SLC10A1: variants seen among roughly 807,000 people sequenced by gnomAD.
The protein encoded by SLC10A1 is hepatic sodium/bile acid cotransporter.
Under a neutral mutation model 20.5 loss-of-function variants are expected in SLC10A1, and 36 were observed. The ratio of observed to expected loss-of-function variants is 1.75; its 90% CI spans 1.34 to 2.32. The LOEUF is 2.32. Among genes scored for constraint, SLC10A1 ranks in the 30% most tolerant of loss-of-function variants. The pLI is 0.00. For missense variants in SLC10A1, 545 were observed against 439.1 expected (o/e 1.24, Z -2.16); for synonymous variants, 188 against 163.6 (o/e 1.15, Z -1.14).
At chr14:69,781,883 C>T (rs998777253) in intron 2 of SLC10A1, among the ~76,000 whole-genome samples, 5 of 152,170 alleles carry the variant, frequency 3.3e-5, no homozygotes, top group African/African-American at 4.8e-5. Context: ...TGGTTGAACC[C>T]GGTGTGAGCA....
chr14:69,794,197 A>G (rs934110210), intron 1 of SLC10A1, among the ~76,000 whole-genome samples: 5 of 152,168 alleles, frequency 3.3e-5, no homozygotes, highest in Non-Finnish European at 7.3e-5. Flanking sequence ...GCCCTTTGAC[A>G]TGTATTGTTT....
chr14:69,784,633 C>A (rs909394938), intron 2 of SLC10A1, among the ~76,000 whole-genome samples: 2 of 152,220 alleles, frequency 1.3e-5, no homozygotes, highest in Middle Eastern at 3.4e-3. Flanking sequence ...CAGTGAGAGA[C>A]ACTTTTTGTT....
intron 2 of SLC10A1, among the ~76,000 whole-genome samples, chr14:69,780,490 T>A (rs1389115815): frequency 6.7e-6 from 1 of 148,544 alleles, no homozygotes; most frequent in Non-Finnish European, 1.5e-5. Context: ...AGTAACATTT[T>A]AAAAAAGTAA....
At chr14:69,790,509 T>A (rs1037860207) in intron 1 of SLC10A1, among the ~76,000 whole-genome samples, 5 of 151,832 alleles carry the variant, frequency 3.3e-5, no homozygotes, top group African/African-American at 1.2e-4. Flanking sequence ...TAACATTAGA[T>A]AATCTATTAA....
intron 2 of SLC10A1, among the ~76,000 whole-genome samples, chr14:69,781,706 C>G (rs75335471): frequency 1.3e-5 from 2 of 152,190 alleles, no homozygotes; most frequent in African/African-American, 4.8e-5. Context: ...GTGAAAGTGG[C>G]TCCTGGACCA....
intron 1 of SLC10A1, among the ~76,000 whole-genome samples, chr14:69,795,690 G>A (rs116451846): frequency 0.014 from 2,089 of 152,142 alleles, 54 homozygotes; most frequent in African/African-American, 0.048. Context: ...TGGGATTATA[G>A]GTGTGAGCCA....
In SLC10A1 at chr14:69,786,199, G is replaced by A; in HGVS notation, c.465C>T (p.Pro155=). ...IYDGDLKDKV[P]YKGIVISLVL... is the part of the protein sequence containing the mutation. ...CCAGTGATATCACGATGCCTTTATA[G>A]GGCACCTTGTCCTTCAGGTCCCCAT... Residue 155 remains proline, a synonymous_variant, in exon 2 of 5, where the codon CCC becomes CCT. Coordinates refer to ENST00000216540, the MANE Select transcript of SLC10A1 (RefSeq NM_003049.4). 1.2e-6 allele frequency: 2 copies of A among 1,613,946 alleles called. No individual in the cohort carries two copies. The highest frequency in any genetic ancestry group is 1.7e-6 in the Non-Finnish European group (2 of 1,179,918).
chr14:69,782,086 C>A (rs1292757723), intron 2 of SLC10A1, among the ~76,000 whole-genome samples: 2 of 152,196 alleles, frequency 1.3e-5, no homozygotes, highest in African/African-American at 4.8e-5. Context: ...GCAAGGAAAC[C>A]TTAGCTTTTG....
At chr14:69,778,034 A>C (rs2139709492) in intron 4 of SLC10A1, among the ~76,000 whole-genome samples, 1 of 152,264 alleles carries the variant, frequency 6.6e-6, no homozygotes, top group South Asian at 2.1e-4. Context: ...TGTCCAAGGC[A>C]GTTTTGTCCT....
At chr14:69,787,904 A>G (rs759327494) in intron 1 of SLC10A1, among the ~76,000 whole-genome samples, 4 of 152,034 alleles carry the variant, frequency 2.6e-5, no homozygotes, top group Non-Finnish European at 4.4e-5. Flanking sequence ...AAAACCACAC[A>G]CAAAAATTAG....
rs746595833 is a variant in SLC10A1, at chr14:69,779,177, C to T, written c.746+5G>A. 4 of 1,565,062 alleles carry T rather than the reference C, an allele frequency of 2.6e-6. No homozygotes were observed. The South Asian group carries it at 3.6e-5, about 14-fold the overall frequency. ...CCCTTTCTTAAAAAAAAAAAAAATA[C>T]CTACCGTCCATTGAGGCAGAAGAGA... On this transcript the variant is annotated splice_donor_5th_base_variant and intron_variant, in intron 3 of 4. Coordinates refer to ENST00000216540, the MANE Select transcript of SLC10A1 (RefSeq NM_003049.4).
At position 69,776,347 on chromosome 14, in the gene SLC10A1, T is replaced by G; in HGVS notation, c.985A>C (p.Thr329Pro). ...MIYTAATTEE[T>P]IPGALGNGTY... The stretch of plus-strand genomic sequence containing the variant: ...CCATTTCCCAGAGCTCCTGGAATTG[T>G]TTCTTCAGTTGTGGCAGCTGTGTAG... The change falls in exon 5 of 5, where the codon ACA becomes CCA. Residue 329 changes from threonine (T) to proline (P), a missense_variant. Transcript: ENST00000216540. 1 of 1,613,990 alleles carries G rather than the reference T, an allele frequency of 6.2e-7. No homozygotes were observed. Among genetic ancestry groups the G allele is most frequent in the Non-Finnish European group, 8.5e-7 (1 of 1,180,004 alleles).
intron 1 of SLC10A1, among the ~76,000 whole-genome samples, chr14:69,787,473 C>T (rs1490929283): frequency 6.6e-6 from 1 of 150,842 alleles, no homozygotes; most frequent in Non-Finnish European, 1.5e-5. Context: ...TCAGTGTGTC[C>T]CTCCTCCTCC....
At position 69,786,154 on chromosome 14, in the gene SLC10A1, G is replaced by A; in HGVS notation, c.510C>T (p.Cys170=). 1 of 1,614,118 alleles carries A rather than the reference G, an allele frequency of 6.2e-7. No homozygotes were observed. Among genetic ancestry groups the A allele is most frequent in the Admixed American group, 1.7e-5 (1 of 60,018 alleles). The part of the protein sequence containing the change: ...VISLVLVLIP[C]TIGIVLKSKR... ...TGGATTTGAGGACGATCCCTATGGT[G>A]CAAGGAATGAGAACCAGGACCAGTG... The change falls in exon 2 of 5, where the codon TGC becomes TGT. Residue 170 remains cysteine, a synonymous_variant. Coordinates refer to ENST00000216540, the MANE Select transcript of SLC10A1 (RefSeq NM_003049.4).
Position 69,776,098 on chromosome 14 carries a change from G to A in SLC10A1, c.*184C>T. ...AGTAGCAAATTCTAAGTTGGGGATAGGTGAGGCTTCTTGGGTAGACACCCT... is the reference window on the plus strand; with the variant it reads ...AGTAGCAAATTCTAAGTTGGGGATAAGTGAGGCTTCTTGGGTAGACACCCT... On this transcript the variant is annotated 3_prime_UTR_variant, in exon 5 of 5. Transcript: ENST00000216540. 1.7e-6 allele frequency: 1 copy of A among 572,114 alleles called. No homozygotes were observed. Among genetic ancestry groups the A allele is most frequent in the Admixed American group, 3.3e-5 (1 of 30,324 alleles). 35.4% of individuals were successfully genotyped at this position (572,114 alleles called of 1,614,324 possible).
At chr14:69,781,267 TC>T (rs369990985) in intron 2 of SLC10A1, among the ~76,000 whole-genome samples, 18 of 152,350 alleles carry the variant, frequency 1.2e-4, no homozygotes, top group African/African-American at 4.1e-4. Flanking sequence ...AACCCCTGTC[TC>T]CTGCTGAGAC....
intron 1 of SLC10A1, among the ~76,000 whole-genome samples, chr14:69,788,766 T>A (rs1594763769): frequency 6.6e-6 from 1 of 151,942 alleles, no homozygotes; most frequent in Admixed American, 6.6e-5. Context: ...CAGGATAGTC[T>A]CGATCTCCTG....
At position 69,775,953 on chromosome 14, in the gene SLC10A1, T is replaced by C. The variant is rs1883435470; in HGVS notation, c.*329A>G. The C allele has an allele frequency of 7.8e-6, 2 of 255,446 alleles. No individual in the cohort carries two copies. Among genetic ancestry groups the C allele is most frequent in the East Asian group, 9.3e-5 (1 of 10,774 alleles). 15.8% of individuals were successfully genotyped at this position (255,446 alleles called of 1,614,324 possible). On this transcript the variant is annotated 3_prime_UTR_variant, in exon 5 of 5. Transcript: ENST00000216540. ...GTAATGGGTTAAACATATATATTGA[T>C]TAGTTCAGGAATTGAGTGACTTTAA...
chr14:69,794,502 A>C (rs1168290085), intron 1 of SLC10A1, among the ~76,000 whole-genome samples: 1 of 152,182 alleles, frequency 6.6e-6, no homozygotes, highest in Non-Finnish European at 1.5e-5. Context: ...GCTGTCCCCC[A>C]GGGTGCTGTA....
Sources: allele counts gnomAD v4.1 joint callset (sites outside exome capture counted in the v4.1 genomes callset), GRCh38; gene constraint gnomAD v4.1.1; transcripts MANE v1.5; gene names NCBI Gene and HGNC (gene_info 2026-07-23, HGNC 2026-07-21).